Variants in WDFY1 observed in about 807,000 individuals in gnomAD.
WDFY1 encodes the protein WD repeat and FYVE domain-containing protein 1.
A neutral mutation model predicts 56.4 loss-of-function variants in WDFY1; 32 were observed. The ratio of observed to expected loss-of-function variants is 0.57; its 90% confidence interval spans 0.43 to 0.76. The LOEUF is 0.76. Ranked by LOEUF, WDFY1 falls within the 30% of genes least tolerant of loss-of-function variation. WDFY1 has a pLI of 0.00. For missense variants in WDFY1, 480 were observed against 545.7 expected (o/e 0.88, Z 1.20); for synonymous variants, 192 against 197.3 (o/e 0.97, Z 0.23).
At chr2:223,881,133 A>C (rs1693063504) in intron 10 of WDFY1, among the ~76,000 whole-genome samples, 1 of 152,258 alleles carries the variant, frequency 6.6e-6, no homozygotes, top group Non-Finnish European at 1.5e-5. Context: ...TGGGGTATCA[A>C]ACAGATGTGT....
At chr2:223,905,145 A>G (rs1292215365) in intron 4 of WDFY1, among the ~76,000 whole-genome samples, 3 of 152,254 alleles carry the variant, frequency 2.0e-5, no homozygotes, top group Non-Finnish European at 2.9e-5. Context: ...AGAAATTATG[A>G]GGCAGCCATG....
intron 2 of WDFY1, 67 bp from the exon 3 acceptor site, chr2:223,912,393 T>TG: frequency 7.3e-7 from 1 of 1,365,888 alleles, no homozygotes; most frequent in Non-Finnish European, 1.0e-6. Context: ...TCAAAGTGAT[T>TG]AAGAACTATA....
chr2:223,901,584 A>T (rs1693508773), intron 4 of WDFY1, among the ~76,000 whole-genome samples: 1 of 152,218 alleles, frequency 6.6e-6, no homozygotes, highest in Non-Finnish European at 1.5e-5. Context: ...GAATCATTAA[A>T]GAGTAACGCT....
intron 8 of WDFY1, among the ~76,000 whole-genome samples, chr2:223,890,413 A>T (rs905050729): frequency 2.0e-5 from 3 of 152,214 alleles, no homozygotes; most frequent in African/African-American, 7.2e-5. Context: ...CAGAGGTTGC[A>T]GTGACAAAAA....
intron 1 of WDFY1, among the ~76,000 whole-genome samples, chr2:223,925,209 T>G (rs1308054400): frequency 1.1e-5 from 1 of 91,690 alleles, no homozygotes; most frequent in African/African-American, 3.7e-5. Context: ...TCAGCTTTTT[T>G]GTTCCTAAAA....
chr2:223,881,842 G>A, intron 10 of WDFY1, 100 bp downstream of exon 10: 3 of 1,469,218 alleles, frequency 2.0e-6, no homozygotes, highest in Non-Finnish European at 2.7e-6. Flanking sequence ...ACAAACACAT[G>A]GCTAAACATA....
At chr2:223,930,387 TG>T (rs1694054610) in intron 1 of WDFY1, among the ~76,000 whole-genome samples, 1 of 152,286 alleles carries the variant, frequency 6.6e-6, no homozygotes, top group Non-Finnish European at 1.5e-5. Flanking sequence ...TGGAGTGCAA[TG>T]GCTTGATCTC....
chr2:223,886,584 C>T (rs924345878), intron 8 of WDFY1, among the ~76,000 whole-genome samples: 11 of 151,410 alleles, frequency 7.3e-5, no homozygotes, highest in African/African-American at 2.4e-4. Context: ...ATTAGCCAGG[C>T]GTGGTGGCAC....
chr2:223,933,909 C>A (rs1559176049), intron 1 of WDFY1, among the ~76,000 whole-genome samples: 1 of 123,236 alleles, frequency 8.1e-6, no homozygotes. Context: ...CTACAGTGAG[C>A]TCTGATTGTG....
At chr2:223,916,810 GGCT>G (rs1322110432) in intron 2 of WDFY1, among the ~76,000 whole-genome samples, 3 of 151,512 alleles carry the variant, frequency 2.0e-5, no homozygotes, top group Non-Finnish European at 4.4e-5. Context: ...TATATCCCAG[GGCT>G]GCTTTTTTTT....
intron 9 of WDFY1, among the ~76,000 whole-genome samples, chr2:223,883,162 G>T (rs1693105108): frequency 6.6e-6 from 1 of 152,162 alleles, no homozygotes; most frequent in African/African-American, 2.4e-5. Context: ...TGGGATTACA[G>T]GCATAAGCCA....
intron 8 of WDFY1, among the ~76,000 whole-genome samples, chr2:223,893,392 T>C (rs1574761577): frequency 6.7e-6 from 1 of 149,440 alleles, no homozygotes. Flanking sequence ...AAGCTGTGCA[T>C]GGTAGTGTAT....
At chr2:223,918,590 C>A (rs1693833966) in intron 1 of WDFY1, among the ~76,000 whole-genome samples, 1 of 151,464 alleles carries the variant, frequency 6.6e-6, no homozygotes, top group African/African-American at 2.4e-5. Context: ...GAGATTGCGC[C>A]ACTGCACTCC....
At chr2:223,942,298 C>T (rs558502936) in intron 1 of WDFY1, among the ~76,000 whole-genome samples, 17 of 151,926 alleles carry the variant, frequency 1.1e-4, no homozygotes, top group African/African-American at 4.1e-4. Context: ...TGGCTCACTG[C>T]AAGCTCTGCC....
At chr2:223,918,960 T>A (rs990890104) in intron 1 of WDFY1, among the ~76,000 whole-genome samples, 3 of 152,214 alleles carry the variant, frequency 2.0e-5, no homozygotes, top group African/African-American at 4.8e-5. Flanking sequence ...CCTGTGCCCA[T>A]GCAGGAAAAT....
At chr2:223,880,007 TG>T in intron 11 of WDFY1, 116 bp downstream of exon 11, 1 of 891,350 alleles carries the variant, frequency 1.1e-6, no homozygotes, top group Non-Finnish European at 1.8e-6. Context: ...GGTTTTAAAC[TG>T]GCAATCATTT....
intron 1 of WDFY1, among the ~76,000 whole-genome samples, chr2:223,925,351 C>T (rs1281716103): frequency 6.6e-6 from 1 of 152,112 alleles, no homozygotes; most frequent in Non-Finnish European, 1.5e-5. Context: ...GCTGTAGTTA[C>T]ACTATAGTCT....
chr2:223,880,765 A>ATC (rs1553535048), intron 10 of WDFY1, among the ~76,000 whole-genome samples: 1 of 149,540 alleles, frequency 6.7e-6, no homozygotes, highest in Admixed American at 6.7e-5. Flanking sequence ...AAAATAACTG[A>ATC]TTTTTTTTTT....
intron 5 of WDFY1, among the ~76,000 whole-genome samples, chr2:223,900,236 G>A (rs1693482298): frequency 6.6e-6 from 1 of 152,168 alleles, no homozygotes; most frequent in Non-Finnish European, 1.5e-5. Flanking sequence ...TCCATTTTGA[G>A]AGGCCTAGCA....
Sources: allele counts gnomAD v4.1 joint callset (sites outside exome capture counted in the v4.1 genomes callset), GRCh38; gene constraint gnomAD v4.1.1; transcripts MANE v1.5; gene names NCBI Gene and HGNC (gene_info 2026-07-23, HGNC 2026-07-21).